MLYCD: variants seen among roughly 807,000 people sequenced by gnomAD.
MLYCD encodes malonyl-CoA decarboxylase.
Under a neutral mutation model 35.8 loss-of-function variants are expected in MLYCD, and 27 were observed. The observed-to-expected ratio is 0.75, with a 90% CI of 0.56 to 1.04. The LOEUF (loss-of-function observed/expected upper bound fraction) is 1.04, where lower values mean the gene tolerates loss of function less well. Ranked by LOEUF, MLYCD falls within the 50% of genes least tolerant of loss-of-function variation. MLYCD has a pLI of 0.00. For synonymous variants in MLYCD, 403 were observed against 302.4 expected (o/e 1.33, Z -3.45); for missense variants, 917 against 665.1 (o/e 1.38, Z -4.17).
In MLYCD at chr16:83,925,692, C is replaced by G. The variant is rs1907784252; in HGVS notation, c.*10203C>G. ...TCCAGGCCCTCCTGGCACTGTCCTC[C>G]CTCAGTCTGGGACTCCCTGTCCTCC... is the stretch of plus-strand genomic sequence containing the variant. On this transcript the variant is annotated 3_prime_UTR_variant, in exon 5 of 5. Coordinates refer to ENST00000262430, the MANE Select transcript of MLYCD (RefSeq NM_012213.3). The G allele has an allele frequency of 6.5e-6, 1 of 152,850 alleles. No homozygotes were observed. Among genetic ancestry groups the G allele is most frequent in the African/African-American group, 2.4e-5 (1 of 41,418 alleles). The allele number at this position is 152,850 out of a possible 1,614,324, so 9.5% of individuals were successfully genotyped here.
chr16:83,916,149 A>C lies in MLYCD; in HGVS notation c.*660A>C, dbSNP rs944446070. 1.3e-5 allele frequency: 13 copies of C among 992,780 alleles called. No homozygotes were observed. The highest frequency in any genetic ancestry group is 1.6e-5 in the Non-Finnish European group (13 of 833,138). The allele number at this position is 992,780 out of a possible 1,614,324, so 61.5% of individuals were successfully genotyped here. On this transcript the variant is annotated 3_prime_UTR_variant, in exon 5 of 5. Coordinates refer to ENST00000262430, the MANE Select transcript of MLYCD (RefSeq NM_012213.3). ...GATTCAGGTTCATAATGAACTTCACAGTAAAGAACACGTTTGTTCTGTAAA... is the reference window on the plus strand; with the variant it reads ...GATTCAGGTTCATAATGAACTTCACCGTAAAGAACACGTTTGTTCTGTAAA...
At position 83,915,413 on chromosome 16, in the gene MLYCD, T is replaced by C. The variant is rs1907345601; in HGVS notation, c.1406T>C (p.Leu469Pro). The change falls in exon 5 of 5, where the codon CTC becomes CCC. Residue 469 changes from leucine to proline, a missense_variant. Transcript: ENST00000262430. ...ACGGGCCCCAACAGCACCTCCTACC[T>C]CGGCTCCAAGATCATCAAAGCCTCT... Reference protein sequence around the residue: ...EETGPNSTSYLGSKIIKASEQ... With the variant: ...EETGPNSTSYPGSKIIKASEQ... The C allele has an allele frequency of 6.2e-7, 1 of 1,613,716 alleles. No individual in the cohort carries two copies. Among genetic ancestry groups the C allele is most frequent in the Non-Finnish European group, 8.5e-7 (1 of 1,180,018 alleles).
At chr16:83,905,050 G>A (rs924731688) in intron 1 of MLYCD, among the ~76,000 whole-genome samples, 1 of 152,102 alleles carries the variant, frequency 6.6e-6, no homozygotes, top group Admixed American at 6.5e-5. Flanking sequence ...TCTTTCTCAG[G>A]CGTCAAAGTT....
chr16:83,911,889 G>T, intron 3 of MLYCD: 1 of 360,680 alleles, frequency 2.8e-6, no homozygotes, highest in Non-Finnish European at 5.3e-6. Flanking sequence ...GTGTTGGCCG[G>T]AGAGTTTATG....
rs1189128987 is a variant in MLYCD, at chr16:83,922,858, A to T, written c.*7369A>T. On this transcript the variant is annotated 3_prime_UTR_variant, in exon 5 of 5. Coordinates refer to ENST00000262430, the MANE Select transcript of MLYCD (RefSeq NM_012213.3). ...GGCTTCTCACAATTTCTAAGAGGTG[A>T]CTAAGTGGATCATTCGTTCCCGGGA... 1.3e-5 allele frequency: 2 copies of T among 152,298 alleles called. No individual in the cohort carries two copies. The highest frequency in any genetic ancestry group is 4.8e-5 in the African/African-American group (2 of 41,464). The allele number at this position is 152,298 out of a possible 1,614,324, so 9.4% of individuals were successfully genotyped here.
chr16:83,908,207 T>C lies in MLYCD; in HGVS notation c.723T>C (p.Ser241=). 1 of 1,614,246 alleles carries C rather than the reference T, an allele frequency of 6.2e-7. No individual in the cohort carries two copies. The highest frequency in any genetic ancestry group is 8.5e-7 in the Non-Finnish European group (1 of 1,180,036). ...VGPYRRCYFF[S]HCSTPGEPLV... is the part of the protein sequence containing the mutation. Reference sequence around the variant, plus strand: ...CCTACAGAAGGTGTTACTTCTTTTCTCACTGTTCGACCCCTGGGGAGCCCC... The same window carrying C: ...CCTACAGAAGGTGTTACTTCTTTTCCCACTGTTCGACCCCTGGGGAGCCCC... Residue 241 remains serine, a synonymous_variant, in exon 3 of 5, where the codon TCT becomes TCC. Coordinates refer to ENST00000262430, the MANE Select transcript of MLYCD (RefSeq NM_012213.3).
chr16:83,899,697 G>C (rs752383878), intron 1 of MLYCD, 25 bp downstream of exon 1: 7 of 1,492,142 alleles, frequency 4.7e-6, no homozygotes, highest in Non-Finnish European at 6.2e-6. Flanking sequence ...TCGATCCCCC[G>C]GCAGCGCGGA....
In MLYCD at chr16:83,915,685, C is replaced by T. The variant is rs548079453; in HGVS notation, c.*196C>T. On this transcript the variant is annotated 3_prime_UTR_variant, in exon 5 of 5. Coordinates refer to ENST00000262430, the MANE Select transcript of MLYCD (RefSeq NM_012213.3). ...GGCGTGACATGCACCCAGTGCAAGA[C>T]GGTTGTGGGTGCGGGTGCACACAAA... 16 of 1,469,772 alleles carry T rather than the reference C, an allele frequency of 1.1e-5. No individual in the cohort carries two copies. The highest frequency in any genetic ancestry group is 1.1e-4 in the South Asian group (8 of 74,002). The allele number at this position is 1,469,772 out of a possible 1,614,324, so 91.0% of individuals were successfully genotyped here.
intron 1 of MLYCD, among the ~76,000 whole-genome samples, chr16:83,906,644 T>C (rs1180354867): frequency 6.6e-6 from 1 of 152,210 alleles, no homozygotes; most frequent in African/African-American, 2.4e-5. Context: ...CATCTTTCAT[T>C]GTTATGTTGA....
chr16:83,911,284 C>T (rs1270406162), intron 3 of MLYCD, among the ~76,000 whole-genome samples: 1 of 152,204 alleles, frequency 6.6e-6, no homozygotes, highest in African/African-American at 2.4e-5. Flanking sequence ...GGCCTCCATA[C>T]AATTTCAGAA....
rs1341399627 is a variant in MLYCD, at chr16:83,917,749, T to A, written c.*2260T>A. On this transcript the variant is annotated 3_prime_UTR_variant, in exon 5 of 5. Coordinates refer to ENST00000262430, the MANE Select transcript of MLYCD (RefSeq NM_012213.3). Reference sequence around the variant, plus strand: ...TGGGCCTTACCGTCTTTGCTTAGCTTTTGGCCTAGACCTTAAAGACCAGCA... The same window carrying A: ...TGGGCCTTACCGTCTTTGCTTAGCTATTGGCCTAGACCTTAAAGACCAGCA... 6.6e-6 allele frequency: 1 copy of A among 152,276 alleles called. No individual in the cohort carries two copies. The highest frequency in any genetic ancestry group is 1.5e-5 in the Non-Finnish European group (1 of 68,082). 9.4% of individuals were successfully genotyped at this position (152,276 alleles called of 1,614,324 possible).
rs202210941 is a variant in MLYCD at position 83,915,154 on chromosome 16, G to C, written c.1147G>C (p.Glu383Gln). ...CCTCAAGCTCCTCCTCAGCAGCAGCGAGTGGGTGCAGTCGGAGAAGCTGGT... is the reference window on the plus strand; with the variant it reads ...CCTCAAGCTCCTCCTCAGCAGCAGCCAGTGGGTGCAGTCGGAGAAGCTGGT... ...ETLKLLLSSS[E>Q]WVQSEKLVRA... Residue 383 changes from glutamate (E) to glutamine (Q), a missense_variant, in exon 5 of 5, where the codon GAG (glutamate) becomes CAG (glutamine). Physicochemically the swap from Glu to Gln is conservative, Grantham distance 29. Coordinates refer to ENST00000262430, the MANE Select transcript of MLYCD (RefSeq NM_012213.3). 4.2e-5 allele frequency: 67 copies of C among 1,614,238 alleles called. No individual in the cohort carries two copies. The highest frequency in any genetic ancestry group is 1.0e-4 in the Admixed American group (6 of 60,034).
rs1907319303 is a variant in MLYCD at position 83,915,001 on chromosome 16, C to T, written c.994C>T (p.Pro332Ser). The T allele has an allele frequency of 6.2e-7, 1 of 1,614,248 alleles. No individual in the cohort carries two copies. The highest frequency in any genetic ancestry group is 8.5e-7 in the Non-Finnish European group (1 of 1,180,048). Residue 332 changes from proline (P) to serine (S), a missense_variant, in exon 5 of 5, where the codon CCT becomes TCT. Pro to Ser is a moderately conservative substitution (Grantham distance 74, BLOSUM62 -1). Coordinates refer to ENST00000262430, the MANE Select transcript of MLYCD (RefSeq NM_012213.3). ...GGTGTTTTCAAGTCTGTCACCTATA[C>T]CTGGTTTCACCAAATGGCTTCTGGG... ...LGVFSSLSPI[P>S]GFTKWLLGLL...
Position 83,919,636 on chromosome 16 carries a change from C to T in MLYCD, c.*4147C>T, listed in dbSNP as rs1907579114. ...AGAACACACGGGGCACAGGAGAACA[C>T]ACGATGCACGGAACACGGTGATCAG... On this transcript the variant is annotated 3_prime_UTR_variant, in exon 5 of 5. Transcript: ENST00000262430. The T allele has an allele frequency of 6.7e-6, 1 of 149,996 alleles. No homozygotes were observed. Among genetic ancestry groups the T allele is most frequent in the Non-Finnish European group, 1.5e-5 (1 of 68,350 alleles). The allele number at this position is 149,996 out of a possible 1,614,324, so 9.3% of individuals were successfully genotyped here.
chr16:83,901,484 G>C (rs1906784126), intron 1 of MLYCD, among the ~76,000 whole-genome samples: 1 of 152,088 alleles, frequency 6.6e-6, no homozygotes, highest in Admixed American at 6.6e-5. Context: ...ATAGATTTTT[G>C]AGCCTGAGAG....
At position 83,926,717 on chromosome 16, in the gene MLYCD, G is replaced by C. The variant is rs1322882408; in HGVS notation, c.*11228G>C. On this transcript the variant is annotated 3_prime_UTR_variant, in exon 5 of 5. Coordinates refer to ENST00000262430, the MANE Select transcript of MLYCD (RefSeq NM_012213.3). ...AGGTCTGGAGTCCTGCGCGGTACCT[G>C]CCGCATGGCAGGCTCTTTACGGACA... 1 of 152,044 alleles carries C rather than the reference G, an allele frequency of 6.6e-6. No individual in the cohort carries two copies. Among genetic ancestry groups the C allele is most frequent in the Non-Finnish European group, 1.5e-5 (1 of 68,064 alleles). 9.4% of individuals were successfully genotyped at this position (152,044 alleles called of 1,614,324 possible).
chr16:83,913,971 A>C (rs147932987), intron 4 of MLYCD: 454 of 152,302 alleles, frequency 3.0e-3, no homozygotes, highest in African/African-American at 0.01. Context: ...ATAATGAGAA[A>C]ATGCTCACGA....
Position 83,922,271 on chromosome 16 carries a change from G to A in MLYCD, c.*6782G>A, listed in dbSNP as rs186052199. 7 of 152,020 alleles carry A rather than the reference G, an allele frequency of 4.6e-5. No individual in the cohort carries two copies. The highest frequency in any genetic ancestry group is 4.2e-4 in the South Asian group (2 of 4,812). The allele number at this position is 152,020 out of a possible 1,614,324, so 9.4% of individuals were successfully genotyped here. A position where few individuals can be genotyped will look rare whatever the true frequency, so the allele number is the denominator to read the frequency against. On this transcript the variant is annotated 3_prime_UTR_variant, in exon 5 of 5. Transcript: ENST00000262430. ...ACTCTGCTCCATTCCCCCCGTATCC[G>A]AGACCTAAGTTCCGGCTCTCCTTAT...
intron 1 of MLYCD, among the ~76,000 whole-genome samples, chr16:83,905,086 G>T (rs935968206): frequency 6.6e-6 from 1 of 152,152 alleles, no homozygotes; most frequent in African/African-American, 2.4e-5. Context: ...CTTTAACAGG[G>T]ATTAAAATGT....
Sources: gnomAD v4.1 joint callset for allele counts (sites outside exome capture counted in the v4.1 genomes callset) on GRCh38, gnomAD v4.1.1 for gene constraint, MANE v1.5 for transcripts, NCBI Gene and HGNC (gene_info 2026-07-23, HGNC 2026-07-21) for gene names.